The following FHL5 variants were observed in gnomAD, a reference collection of about 807,000 sequenced individuals.
FHL5 encodes the protein four and a half LIM domains protein 5.
In FHL5, 33 loss-of-function variants were observed where a neutral mutation model predicts 32.0. The observed-to-expected ratio is 1.03, with a 90% CI of 0.78 to 1.38. The LOEUF is 1.38. Among genes scored for constraint, FHL5 ranks in the 40% most tolerant of loss-of-function variants. FHL5 has a pLI of 0.00. For missense variants in FHL5, 336 were observed against 343.9 expected, an observed-to-expected ratio of 0.98 and a Z score of 0.18; for synonymous variants, 114 against 113.6, an observed-to-expected ratio of 1.00 and a Z score of -0.02.
At chr6:96,576,760 AC>A (rs1393970290) in intron 1 of FHL5, among the ~76,000 whole-genome samples, 1 of 152,246 alleles carries the variant, frequency 6.6e-6, no homozygotes, top group Non-Finnish European at 1.5e-5. Flanking sequence ...GGTGCCACGG[AC>A]ACAACCCTAA....
chr6:96,606,167 T>C (rs1458724752), intron 4 of FHL5, 96 bp downstream of exon 4: 2 of 1,041,898 alleles, frequency 1.9e-6, no homozygotes, highest in Non-Finnish European at 2.8e-6. Flanking sequence ...TTATGTTATA[T>C]CTGTAATCAA....
intron 1 of FHL5, among the ~76,000 whole-genome samples, chr6:96,594,872 C>A (rs567524681): frequency 6.6e-6 from 1 of 151,980 alleles, no homozygotes; most frequent in East Asian, 1.9e-4. Flanking sequence ...TAATGTAATT[C>A]AGTTAATGTA....
chr6:96,605,909 C>G lies in FHL5; in HGVS notation c.342C>G (p.Arg114=). ...CTTACTTTTGGAGTACAGGTTCCCG[C>G]AAAATGGAATTTAAGGGAAACTACT... ...HCKRTIMPGS[R]KMEFKGNYWH... is the part of the protein sequence containing the mutation. Residue 114 remains arginine (R), a synonymous_variant, in exon 4 of 6, where the codon CGC becomes CGG. Coordinates refer to ENST00000450218, the MANE Select transcript of FHL5 (RefSeq NM_001322466.2). 6.2e-7 allele frequency: 1 copy of G among 1,613,802 alleles called. No homozygotes were observed. Among genetic ancestry groups the G allele is most frequent in the African/African-American group, 1.3e-5 (1 of 74,988 alleles).
intron 4 of FHL5, among the ~76,000 whole-genome samples, chr6:96,608,161 T>G (rs1771324050): frequency 6.6e-6 from 1 of 152,198 alleles, no homozygotes; most frequent in South Asian, 2.1e-4. Context: ...CTAAAATCAT[T>G]TATCAGACAC....
intron 5 of FHL5, among the ~76,000 whole-genome samples, chr6:96,615,343 T>C (rs1771495494): frequency 6.6e-6 from 1 of 152,210 alleles, no homozygotes; most frequent in East Asian, 1.9e-4. Flanking sequence ...CAAAAATACC[T>C]GACTTGCATA....
intron 1 of FHL5, among the ~76,000 whole-genome samples, chr6:96,567,825 C>CTTTTTTTTTTTTTTTTTTTTTTTTTTT (rs757441385): frequency 9.0e-6 from 1 of 110,518 alleles, no homozygotes; most frequent in African/African-American, 3.5e-5. Flanking sequence ...TTTTTGTATT[C>CTTTTTTTTTTTTTTTTTTTTTTTTTTT]TTTTTTTTTT....
chr6:96,600,603 A>C (rs1446736357), intron 1 of FHL5, among the ~76,000 whole-genome samples: 1 of 152,176 alleles, frequency 6.6e-6, no homozygotes, highest in Non-Finnish European at 1.5e-5. Flanking sequence ...GTTCTCTAAG[A>C]ATTCTATATG....
At position 96,604,818 on chromosome 6, in the gene FHL5, G is replaced by A; in HGVS notation, c.228G>A (p.Leu76=). 6.2e-7 allele frequency: 1 copy of A among 1,614,010 alleles called. No individual in the cohort carries two copies. The highest frequency in any genetic ancestry group is 8.5e-7 in the Non-Finnish European group (1 of 1,179,908). ...CFKCTKCNHS[L]VEKPFAAKDE... is the part of the protein sequence containing the mutation. ...AGTGCACCAAATGCAATCACTCTTTGGTGGAAAAGCCTTTTGCTGCCAAGG... is the reference window on the plus strand; with the variant it reads ...AGTGCACCAAATGCAATCACTCTTTAGTGGAAAAGCCTTTTGCTGCCAAGG... The change falls in exon 3 of 6, where the codon TTG becomes TTA. Residue 76 remains leucine (L), a synonymous_variant. Transcript: ENST00000450218.
chr6:96,579,962 A>G (rs561247836), intron 1 of FHL5, among the ~76,000 whole-genome samples: 2 of 152,324 alleles, frequency 1.3e-5, no homozygotes, highest in African/African-American at 4.8e-5. Context: ...AAAGGAATAA[A>G]AAGGTTTAAA....
chr6:96,567,547 T>C (rs1048424032), intron 1 of FHL5, among the ~76,000 whole-genome samples: 20 of 151,836 alleles, frequency 1.3e-4, no homozygotes, highest in Admixed American at 1.3e-3. Flanking sequence ...TTTGATAACA[T>C]TGCATTGAAT....
chr6:96,597,323 C>T (rs1242716799), intron 1 of FHL5, among the ~76,000 whole-genome samples: 1 of 151,358 alleles, frequency 6.6e-6, no homozygotes, highest in African/African-American at 2.4e-5. Flanking sequence ...TGAATTTTCC[C>T]TTAAGGGGAA....
Position 96,616,061 on chromosome 6 carries a change from C to T in FHL5, c.*289C>T, listed in dbSNP as rs183710077. The T allele has an allele frequency of 1.5e-4, 29 of 191,826 alleles. No homozygotes were observed. The highest frequency in any genetic ancestry group is 2.1e-5 in the Non-Finnish European group (2 of 94,824). 11.9% of individuals were successfully genotyped at this position (191,826 alleles called of 1,614,324 possible). A position where few individuals can be genotyped will look rare whatever the true frequency, so the allele number is the denominator to read the frequency against. On this transcript the variant is annotated 3_prime_UTR_variant, in exon 6 of 6. Transcript: ENST00000450218. Reference sequence around the variant, plus strand: ...TTCATAATCAAATATATGACATATACCTAGGAGCTGTGGATGTAATTACTG... The same window carrying T: ...TTCATAATCAAATATATGACATATATCTAGGAGCTGTGGATGTAATTACTG...
At chr6:96,575,149 CG>C (rs1334153429) in intron 1 of FHL5, among the ~76,000 whole-genome samples, 1 of 152,118 alleles carries the variant, frequency 6.6e-6, no homozygotes, top group African/African-American at 2.4e-5. Context: ...ATCCGGTTAA[CG>C]AAAGTTAATA....
chr6:96,568,312 C>T (rs1023522989), intron 1 of FHL5, among the ~76,000 whole-genome samples: 6 of 151,804 alleles, frequency 4.0e-5, no homozygotes, highest in African/African-American at 1.4e-4. Flanking sequence ...TGAGGTAAAT[C>T]TTACCTACAT....
chr6:96,611,754 C>T (rs1582482689), intron 5 of FHL5, among the ~76,000 whole-genome samples: 1 of 152,102 alleles, frequency 6.6e-6, no homozygotes, highest in African/African-American at 2.4e-5. Flanking sequence ...AGTTTCACAG[C>T]AAACCCCACC....
intron 1 of FHL5, among the ~76,000 whole-genome samples, chr6:96,564,861 C>T (rs932000720): frequency 7.9e-5 from 12 of 151,912 alleles, no homozygotes; most frequent in African/African-American, 2.9e-4. Context: ...CTTTTTGGTA[C>T]CCTGAAAGCT....
chr6:96,609,999 ATAATGGTGCTTACCAATTCCAT>A (rs1771365324), intron 4 of FHL5, among the ~76,000 whole-genome samples: 1 of 152,244 alleles, frequency 6.6e-6, no homozygotes, highest in Admixed American at 6.5e-5. Context: ...TTATTAGCAA[ATAATGGTGCTTACCAATTCCAT>A]TCAGAATTAC....
chr6:96,606,375 G>A (rs1190065325), intron 4 of FHL5, among the ~76,000 whole-genome samples: 1 of 151,766 alleles, frequency 6.6e-6, no homozygotes, highest in Non-Finnish European at 1.5e-5. Context: ...TTTTTGGGAT[G>A]GAATCTCGCT....
At chr6:96,586,228 G>C (rs114496751) in intron 1 of FHL5, among the ~76,000 whole-genome samples, 1,773 of 152,216 alleles carry the variant, frequency 0.012, 33 homozygotes, top group African/African-American at 0.034. Context: ...AAATATAAAG[G>C]CTGGTTTAAT....
Sources: gnomAD v4.1 joint callset for allele counts (sites outside exome capture counted in the v4.1 genomes callset) on GRCh38, gnomAD v4.1.1 for gene constraint, MANE v1.5 for transcripts, NCBI Gene and HGNC (gene_info 2026-07-23, HGNC 2026-07-21) for gene names.